Variants in USP40 observed in about 807,000 individuals in gnomAD.
The protein encoded by USP40 is ubiquitin carboxyl-terminal hydrolase 40.
A neutral mutation model predicts 166.2 loss-of-function variants in USP40; 143 were observed. The ratio of observed to expected loss-of-function variants is 0.86; its 90% CI spans 0.75 to 0.99. USP40 has a LOEUF of 0.99. Ranked by LOEUF, USP40 falls within the 50% of genes least tolerant of loss-of-function variation. The pLI, the probability that USP40 is intolerant of heterozygous loss-of-function variation, is 0.00. For missense variants in USP40, 1,444 were observed against 1,479.7 expected (o/e 0.98, Z 0.40); for synonymous variants, 498 against 524.0 (o/e 0.95, Z 0.68).
chr2:233,558,138 T>C (rs1037217357), intron 4 of USP40, among the ~76,000 whole-genome samples: 1 of 151,312 alleles, frequency 6.6e-6, no homozygotes, highest in Non-Finnish European at 1.5e-5. Flanking sequence ...CTGGCTATGA[T>C]GGGATAGAAA....
rs544509016 is a variant in USP40, at chr2:233,508,275, A to G, written c.2613+1774T>C. Among the ~76,000 whole-genome samples the G allele has an allele frequency of 1.0e-3, 156 of 152,338 alleles. 1 individual carries two copies. Among genetic ancestry groups the G allele is most frequent in the Middle Eastern group, 3.4e-3 (1 of 294 alleles). On this transcript the variant is annotated intron_variant, in intron 21 of 31. Transcript: ENST00000678225. ...CTACTTTCTCTTAAATTATTACTTA[A>G]GTTCCTTTGGCTTGAGTTAGGGTCC... is the stretch of plus-strand genomic sequence containing the variant.
intron 21 of USP40, among the ~76,000 whole-genome samples, chr2:233,507,218 T>G (rs1417843933): frequency 6.6e-6 from 1 of 152,184 alleles, no homozygotes; most frequent in Non-Finnish European, 1.5e-5. Flanking sequence ...TTATGCACTG[T>G]CGGTGAGACT....
intron 21 of USP40, among the ~76,000 whole-genome samples, chr2:233,509,557 G>A (rs2066652912): frequency 6.6e-6 from 1 of 151,846 alleles, no homozygotes; most frequent in African/African-American, 2.4e-5. Context: ...ATTTCCAGTT[G>A]AGGCCGAGTG....
intron 6 of USP40, among the ~76,000 whole-genome samples, chr2:233,551,737 A>C (rs1267202440): frequency 6.6e-6 from 1 of 152,186 alleles, no homozygotes; most frequent in Non-Finnish European, 1.5e-5. Context: ...AATAATTTAC[A>C]ACCCGGTTTT....
intron 7 of USP40, among the ~76,000 whole-genome samples, chr2:233,550,875 A>G (rs1468995200): frequency 6.6e-6 from 1 of 152,226 alleles, no homozygotes; most frequent in Non-Finnish European, 1.5e-5. Flanking sequence ...ATTCATCATT[A>G]CATGTAAAAT....
Position 233,494,912 on chromosome 2 carries a change from T to G in USP40, c.2791-1361A>C, listed in dbSNP as rs1403766998. On this transcript the variant is annotated intron_variant, in intron 24 of 31. Coordinates refer to ENST00000678225, the MANE Select transcript of USP40 (RefSeq NM_001365479.2). Reference sequence around the variant, plus strand: ...TAGATATACTCATATACAAGCAAAATGGCATATATATATATATATATATAT... The same window carrying G: ...TAGATATACTCATATACAAGCAAAAGGGCATATATATATATATATATATAT... 2.9e-4 allele frequency among the ~76,000 whole-genome samples: 16 copies of G among 54,288 alleles called. No individual in the cohort carries two copies. The East Asian group carries it at 6.6e-3, about 22-fold the overall frequency. The allele number at this position is 54,288 out of a possible 152,430, so 35.6% of individuals were successfully genotyped here. A position where few individuals can be genotyped will look rare whatever the true frequency, so the allele number is the denominator to read the frequency against.
Position 233,480,163 on chromosome 2 carries a change from G to A in USP40, c.3599+1040C>T, listed in dbSNP as rs927223138. ...CACCTGGGACCTCTCTTCCCCAGACGCCCCCAGTGGCAGAGGGCATGCAGT... is the reference window on the plus strand; with the variant it reads ...CACCTGGGACCTCTCTTCCCCAGACACCCCCAGTGGCAGAGGGCATGCAGT... On this transcript the variant is annotated intron_variant, in intron 31 of 31. Transcript: ENST00000678225. This position sits in a 1 kb window ranked among gnomAD's most constrained non-coding sequence, Gnocchi z 4.5. Among the ~76,000 whole-genome samples the A allele has an allele frequency of 6.6e-6, 1 of 152,134 alleles. No individual in the cohort carries two copies. The highest frequency in any genetic ancestry group is 1.5e-5 in the Non-Finnish European group (1 of 68,018).
chr2:233,556,804 G>A (rs944261073), intron 5 of USP40, 51 bp downstream of exon 5: 4 of 1,500,904 alleles, frequency 2.7e-6, no homozygotes, highest in Non-Finnish European at 3.6e-6. Context: ...TTAATTACAT[G>A]GATTATAATT....
chr2:233,501,331 C>G (rs893986195), intron 21 of USP40, among the ~76,000 whole-genome samples: 9 of 152,196 alleles, frequency 5.9e-5, no homozygotes, highest in Admixed American at 3.3e-4. Flanking sequence ...AAAAATGATA[C>G]CAGAGAACCA....
At chr2:233,531,841 C>T (rs2068549884) in intron 11 of USP40, among the ~76,000 whole-genome samples, 3 of 152,096 alleles carry the variant, frequency 2.0e-5, no homozygotes, top group South Asian at 2.1e-4. Context: ...AACTTTTGAG[C>T]GGACTTTGAG....
chr2:233,516,741 C>A (rs999385930), intron 18 of USP40, among the ~76,000 whole-genome samples: 5 of 150,726 alleles, frequency 3.3e-5, no homozygotes, highest in Non-Finnish European at 5.9e-5. Context: ...GCCTGTAACC[C>A]AGATATTCGG....
intron 3 of USP40, chr2:233,560,959 G>A (rs1387104314): frequency 1.1e-5 from 8 of 718,912 alleles, no homozygotes; most frequent in Non-Finnish European, 2.0e-5. Context: ...AGCAGTAGCA[G>A]TATTGTACTT....
chr2:233,556,735 C>A (rs996151775), intron 5 of USP40, 120 bp downstream of exon 5: 4 of 953,646 alleles, frequency 4.2e-6, no homozygotes, highest in Admixed American at 3.9e-5. Flanking sequence ...GAAAAAAAAA[C>A]TCAATAAATT....
In USP40 at chr2:233,566,702, C is replaced by T; in HGVS notation, c.-38G>A. ...CACTTACTGCCTAAAGCCCAGACCCCCGCCCTGGCCAAAACGCGAAGCGAA... is the reference window on the plus strand; with the variant it reads ...CACTTACTGCCTAAAGCCCAGACCCTCGCCCTGGCCAAAACGCGAAGCGAA... On this transcript the variant is annotated 5_prime_UTR_variant, in exon 1 of 32. Transcript: ENST00000678225. 1.0e-6 allele frequency: 1 copy of T among 986,062 alleles called. No homozygotes were observed. Among genetic ancestry groups the T allele is most frequent in the Non-Finnish European group, 1.2e-6 (1 of 830,070 alleles). The allele number at this position is 986,062 out of a possible 1,614,324, so 61.1% of individuals were successfully genotyped here.
At chr2:233,529,150 C>A (rs1056921679) in intron 12 of USP40, among the ~76,000 whole-genome samples, 1 of 152,196 alleles carries the variant, frequency 6.6e-6, no homozygotes, top group East Asian at 1.9e-4. Context: ...ATTCATTCAG[C>A]CCAACTATGT....
intron 16 of USP40, among the ~76,000 whole-genome samples, chr2:233,522,372 G>T (rs1461692345): frequency 2.0e-5 from 3 of 152,208 alleles, no homozygotes; most frequent in Admixed American, 6.5e-5. Flanking sequence ...TTATAAACAA[G>T]GTAGGGAATG....
chr2:233,500,001 A>AT (rs1334560440), intron 21 of USP40, 86 bp from the exon 22 acceptor site: 3 of 1,109,144 alleles, frequency 2.7e-6, no homozygotes, highest in Non-Finnish European at 4.0e-6. Context: ...CCCTAGGCCT[A>AT]TTTAAGTCTG....
At position 233,540,756 on chromosome 2, in the gene USP40, A is replaced by C; in HGVS notation, c.1076T>G (p.Leu359Arg). 1 of 1,612,916 alleles carries C rather than the reference A, an allele frequency of 6.2e-7. No individual in the cohort carries two copies. Among genetic ancestry groups the C allele is most frequent in the East Asian group, 2.2e-5 (1 of 44,820 alleles). The part of the protein sequence containing the change: ...KAILLEEENN[L>R]IPVDQLGQKL... The stretch of plus-strand genomic sequence containing the variant: ...CTGGCCCAGCTGATCAACAGGAATT[A>C]GATTATTCTCCTCCTTATGAGAGAA... Residue 359 changes from leucine (L) to arginine (R), a missense_variant, in exon 10 of 32, where the codon CTA (leucine) becomes CGA (arginine). Transcript: ENST00000678225.
At chr2:233,566,289 T>C (rs1331201916) in intron 1 of USP40, among the ~76,000 whole-genome samples, 1 of 152,100 alleles carries the variant, frequency 6.6e-6, no homozygotes, top group Non-Finnish European at 1.5e-5. Flanking sequence ...AGGTTTCACA[T>C]CGAGTGTGGC....
Sources: gnomAD v4.1 joint callset for allele counts (sites outside exome capture counted in the v4.1 genomes callset) on GRCh38, gnomAD v4.1.1 for gene constraint, Gnocchi (gnomAD v3.1) non-coding constraint, MANE v1.5 for transcripts, NCBI Gene and HGNC (gene_info 2026-07-23, HGNC 2026-07-21) for gene names.